Variants in SPIDR observed in about 807,000 individuals in gnomAD.
The protein encoded by SPIDR is DNA repair-scaffolding protein.
SPIDR carries 93 observed loss-of-function variants against 104.6 expected under a neutral mutation model. The observed-to-expected ratio is 0.89, with a 90% confidence interval of 0.75 to 1.06. SPIDR has a LOEUF of 1.06. Among genes scored for constraint, SPIDR ranks in the 50% least tolerant of loss-of-function variants. SPIDR has a pLI of 0.00. For missense variants in SPIDR, 1,154 were observed against 1,111.2 expected, an observed-to-expected ratio of 1.04 and a Z score of -0.55; for synonymous variants, 431 against 416.9, an observed-to-expected ratio of 1.03 and a Z score of -0.41.
Position 47,638,181 on chromosome 8 carries a change from G to T in SPIDR, c.1545-35620G>T, listed in dbSNP as rs533946386. Among the ~76,000 whole-genome samples the T allele has an allele frequency of 5.1e-4, 77 of 151,900 alleles. No homozygotes were observed. The South Asian group carries it at 7.1e-3, about 14-fold the overall frequency. On this transcript the variant is annotated intron_variant, in intron 10 of 19. Transcript: ENST00000297423. ...TCCCTGTCACTGTAAGATGTGCTAG[G>T]CTTATCTTGTATATTTTCTGCCTTC...
chr8:47,448,881 A>G (rs1554703866), intron 8 of SPIDR, among the ~76,000 whole-genome samples: 1 of 152,174 alleles, frequency 6.6e-6, no homozygotes, highest in African/African-American at 2.4e-5. Context: ...ATGCAGGGGT[A>G]TATGTAGTGC....
In SPIDR at chr8:47,284,008, G is replaced by T; in HGVS notation, c.190-20G>T. On this transcript the variant is annotated intron_variant, in intron 2 of 19. Transcript: ENST00000297423. ...TTAGCATTTGTCACATAAATTCCAT[G>T]ATTATTATTTTGCCTACAGTCATTA... The T allele has an allele frequency of 6.3e-7, 1 of 1,576,018 alleles. No individual in the cohort carries two copies. The highest frequency in any genetic ancestry group is 1.2e-5 in the South Asian group (1 of 85,906).
chr8:47,482,869 A>G (rs1305638567), intron 8 of SPIDR, among the ~76,000 whole-genome samples: 1 of 151,708 alleles, frequency 6.6e-6, no homozygotes, highest in Non-Finnish European at 1.5e-5. Context: ...AGAGTCTCGC[A>G]CTGTCGCCCA....
chr8:47,636,586 C>T (rs1436922223), intron 10 of SPIDR, among the ~76,000 whole-genome samples: 1 of 151,998 alleles, frequency 6.6e-6, no homozygotes, highest in African/African-American at 2.4e-5. Flanking sequence ...TTTGGGAGGC[C>T]GAGGCTGGAG....
At chr8:47,701,888 T>G in intron 13 of SPIDR, 24 bp downstream of exon 13, 5 of 1,614,056 alleles carry the variant, frequency 3.1e-6, no homozygotes, top group Non-Finnish European at 4.2e-6. Flanking sequence ...TTCTAACAGG[T>G]TTTTTAGGTA....
chr8:47,592,032 T>C, intron 8 of SPIDR: 1 of 806,128 alleles, frequency 1.2e-6, no homozygotes, highest in South Asian at 1.6e-5. Flanking sequence ...TGAAGATGTC[T>C]GGGCTTTTTT....
intron 8 of SPIDR, among the ~76,000 whole-genome samples, chr8:47,489,344 A>T (rs1415148030): frequency 6.6e-6 from 1 of 152,222 alleles, no homozygotes; most frequent in Admixed American, 6.5e-5. Context: ...TGCTCAATGA[A>T]ATAAAAGAGG....
intron 5 of SPIDR, among the ~76,000 whole-genome samples, chr8:47,329,878 C>G (rs2048360404): frequency 6.6e-6 from 1 of 152,164 alleles, no homozygotes; most frequent in Non-Finnish European, 1.5e-5. Flanking sequence ...CACCACTCTT[C>G]TGTTACTCAC....
intron 1 of SPIDR, among the ~76,000 whole-genome samples, chr8:47,269,024 G>A (rs965320704): frequency 1.3e-5 from 2 of 151,978 alleles, no homozygotes; most frequent in Non-Finnish European, 2.9e-5. Context: ...AAAATTAGCA[G>A]GATGTGGTGG....
chr8:47,554,692 C>T (rs749957523), intron 8 of SPIDR, among the ~76,000 whole-genome samples: 3 of 152,176 alleles, frequency 2.0e-5, no homozygotes, highest in Non-Finnish European at 2.9e-5. Context: ...CGACCCCTTG[C>T]GCTTCCCGGG....
At chr8:47,576,457 A>C (rs1390505143) in intron 8 of SPIDR, among the ~76,000 whole-genome samples, 1 of 151,828 alleles carries the variant, frequency 6.6e-6, no homozygotes, top group Non-Finnish European at 1.5e-5. Flanking sequence ...AGCCTGAGAC[A>C]GGGTCTTACT....
At chr8:47,510,593 CA>C (rs1036863253) in intron 8 of SPIDR, among the ~76,000 whole-genome samples, 5 of 130,916 alleles carry the variant, frequency 3.8e-5, no homozygotes, top group East Asian at 2.2e-4. Context: ...AGAGTATTTG[CA>C]AAAAAAAAAC....
Position 47,623,385 on chromosome 8 carries a change from G to A in SPIDR, c.1544+24189G>A, listed in dbSNP as rs1000452219. Among the ~76,000 whole-genome samples the A allele has an allele frequency of 2.5e-4, 38 of 152,104 alleles. 1 individual carries two copies. The highest frequency in any genetic ancestry group is 6.6e-4 in the Admixed American group (10 of 15,260). On this transcript the variant is annotated intron_variant, in intron 10 of 19. Coordinates refer to ENST00000297423, the MANE Select transcript of SPIDR (RefSeq NM_001080394.4). ...TGAAAGGATCAAATTCACACATAAC[G>A]ATATTAACTTTGAATGTAAATGGGC...
chr8:47,503,877 T>C (rs1436764422), intron 8 of SPIDR, among the ~76,000 whole-genome samples: 1 of 152,214 alleles, frequency 6.6e-6, no homozygotes, highest in Non-Finnish European at 1.5e-5. Flanking sequence ...AGGATTTTAT[T>C]TCTCCTTCAC....
intron 5 of SPIDR, among the ~76,000 whole-genome samples, chr8:47,319,152 A>G (rs1554592519): frequency 2.6e-5 from 4 of 152,212 alleles, no homozygotes; most frequent in Non-Finnish European, 5.9e-5. Flanking sequence ...AGACTGGCAA[A>G]TTGGATAAAG....
At chr8:47,285,570 T>C (rs2038678571) in intron 3 of SPIDR, among the ~76,000 whole-genome samples, 1 of 152,164 alleles carries the variant, frequency 6.6e-6, no homozygotes, top group African/African-American at 2.4e-5. Flanking sequence ...TACTTCAGTA[T>C]CTGTTCTAGA....
intron 19 of SPIDR, among the ~76,000 whole-genome samples, 182 bp from the exon 20 acceptor site, chr8:47,735,104 GTGTGTGGGTGTGTGTGTGTGT>G (rs1210448817): frequency 1.6e-5 from 2 of 126,890 alleles, no homozygotes; most frequent in African/African-American, 7.4e-5. Flanking sequence ...GGGTGTGTGT[GTGTGTGGGTGTGTGTGTGTGT>G]GTGTGTGTGT....
At chr8:47,368,886 A>G (rs960065061) in intron 5 of SPIDR, among the ~76,000 whole-genome samples, 10 of 152,214 alleles carry the variant, frequency 6.6e-5, no homozygotes, top group Non-Finnish European at 1.5e-4. Flanking sequence ...TGAAATGTCT[A>G]GAGATGAAAG....
intron 5 of SPIDR, among the ~76,000 whole-genome samples, chr8:47,386,927 A>G (rs979538089): frequency 7.0e-6 from 1 of 141,970 alleles, no homozygotes; most frequent in African/African-American, 2.9e-5. Flanking sequence ...ATATAGATAT[A>G]GATATAGATA....
Sources: allele counts gnomAD v4.1 joint callset (sites outside exome capture counted in the v4.1 genomes callset), GRCh38; gene constraint gnomAD v4.1.1; transcripts MANE v1.5; gene names NCBI Gene and HGNC (gene_info 2026-07-23, HGNC 2026-07-21).